TMEM132B: variants seen among roughly 807,000 people sequenced by gnomAD.
TMEM132B encodes transmembrane protein 132B.
In TMEM132B, 18 loss-of-function variants were observed where a neutral mutation model predicts 90.8. The observed-to-expected ratio is 0.20, with a 90% CI of 0.14 to 0.29. The LOEUF is 0.29. Ranked by LOEUF, TMEM132B falls within the 10% of genes least tolerant of loss-of-function variation. The probability of loss-of-function intolerance (pLI) is 1.00; values close to 1 mark genes in which losing one functional copy is unlikely to be tolerated. For missense variants in TMEM132B, 1,096 were observed against 1,326.8 expected (o/e 0.83, Z 2.70); for synonymous variants, 504 against 523.3 (o/e 0.96, Z 0.50).
chr12:125,468,818 G>A (rs968580413), intron 3 of TMEM132B, among the ~76,000 whole-genome samples: 3 of 152,050 alleles, frequency 2.0e-5, no homozygotes, highest in Non-Finnish European at 4.4e-5. Flanking sequence ...TAACCGTCTT[G>A]GTTAAGTTTA....
At chr12:125,280,741 G>A (rs1379055317) in intron 1 of TMEM132B, among the ~76,000 whole-genome samples, 2 of 152,246 alleles carry the variant, frequency 1.3e-5, no homozygotes, top group Non-Finnish European at 2.9e-5. Flanking sequence ...TGCGTCCTCA[G>A]GGCAGATAGT....
At chr12:125,237,072 T>C (rs1041264610) in intron 1 of TMEM132B, among the ~76,000 whole-genome samples, 2 of 152,256 alleles carry the variant, frequency 1.3e-5, no homozygotes, top group African/African-American at 2.4e-5. Flanking sequence ...TATTGATCCA[T>C]TGGCCTTCCT....
intron 2 of TMEM132B, among the ~76,000 whole-genome samples, chr12:125,365,839 C>G (rs1878115479): frequency 6.6e-6 from 1 of 152,022 alleles, no homozygotes. Context: ...ATATCCATCA[C>G]CTCAAACATT....
At chr12:125,261,393 G>A (rs1874564808) in intron 1 of TMEM132B, among the ~76,000 whole-genome samples, 2 of 152,132 alleles carry the variant, frequency 1.3e-5, no homozygotes. Context: ...ATGGGACTGT[G>A]TACCAGGTGG....
At chr12:125,442,816 T>C (rs1035609097) in intron 3 of TMEM132B, among the ~76,000 whole-genome samples, 3 of 152,202 alleles carry the variant, frequency 2.0e-5, no homozygotes, top group Admixed American at 6.5e-5. Context: ...AATGCATATC[T>C]TTGTGTGACA....
intron 5 of TMEM132B, among the ~76,000 whole-genome samples, chr12:125,629,580 G>C (rs1307683404): frequency 6.6e-6 from 1 of 152,060 alleles, no homozygotes; most frequent in African/African-American, 2.4e-5. Context: ...CATATAATCT[G>C]CAACCAAGGA....
intron 1 of TMEM132B, among the ~76,000 whole-genome samples, chr12:125,265,931 A>T (rs964016682): frequency 1.3e-5 from 2 of 152,144 alleles, no homozygotes; most frequent in African/African-American, 4.8e-5. Context: ...AGGATTATAT[A>T]TTAAAAAAAA....
intron 5 of TMEM132B, among the ~76,000 whole-genome samples, chr12:125,603,764 C>G (rs968605329): frequency 6.6e-6 from 1 of 151,902 alleles, no homozygotes; most frequent in Admixed American, 6.6e-5. Context: ...AAAAAAACAA[C>G]CCTATTGAAA....
At chr12:125,545,878 TA>T (rs1167560903) in intron 4 of TMEM132B, among the ~76,000 whole-genome samples, 9 of 152,234 alleles carry the variant, frequency 5.9e-5, no homozygotes, top group Non-Finnish European at 1.2e-4. Context: ...ATTAAGCCAA[TA>T]AATGTAAGTT....
At chr12:125,584,148 A>G (rs903092313) in intron 5 of TMEM132B, 154 bp downstream of exon 5, 7 of 1,085,890 alleles carry the variant, frequency 6.4e-6, no homozygotes, top group Non-Finnish European at 9.6e-6. Context: ...CTGACCGCAG[A>G]GACTCCCTGG....
At chr12:125,413,985 A>G (rs1879934926) in intron 2 of TMEM132B, among the ~76,000 whole-genome samples, 2 of 152,202 alleles carry the variant, frequency 1.3e-5, no homozygotes, top group African/African-American at 4.8e-5. Flanking sequence ...CAATTTCTCT[A>G]CATCCTCACC....
At chr12:125,474,046 C>T (rs1468266294) in intron 3 of TMEM132B, among the ~76,000 whole-genome samples, 1 of 145,090 alleles carries the variant, frequency 6.9e-6, no homozygotes, top group South Asian at 2.3e-4. Context: ...TTCCTTCCTT[C>T]CTTCTTTCTT....
At chr12:125,359,746 G>A (rs797001484) in intron 2 of TMEM132B, among the ~76,000 whole-genome samples, 2 of 152,270 alleles carry the variant, frequency 1.3e-5, no homozygotes, top group Admixed American at 6.5e-5. Flanking sequence ...CGAAACTCCC[G>A]ACCCTGTGAT....
At chr12:125,361,945 T>C (rs1443396000) in intron 2 of TMEM132B, among the ~76,000 whole-genome samples, 1 of 152,252 alleles carries the variant, frequency 6.6e-6, no homozygotes, top group Non-Finnish European at 1.5e-5. Flanking sequence ...ACCTAGATTA[T>C]GGTGGTGGCC....
In TMEM132B at chr12:125,492,151, T is replaced by C. The variant is rs1482884242; in HGVS notation, c.1107-27288T>C. On this transcript the variant is annotated intron_variant, in intron 3 of 8. Coordinates refer to ENST00000682704, the MANE Select transcript of TMEM132B (RefSeq NM_001366854.1). The surrounding 1 kb of genome is among the most constrained non-coding windows in gnomAD (Gnocchi z 5.8). ...CTGGGGAAGGGTGAGAGTGCCCTGC[T>C]GCCCGCCCCCACCGCTCCTCACCTT... is the stretch of plus-strand genomic sequence containing the variant. 6.6e-6 allele frequency among the ~76,000 whole-genome samples: 1 copy of C among 152,174 alleles called. No homozygotes were observed. Among genetic ancestry groups the C allele is most frequent in the Admixed American group, 6.5e-5 (1 of 15,278 alleles).
At chr12:125,623,632 C>T (rs1309700808) in intron 5 of TMEM132B, among the ~76,000 whole-genome samples, 1 of 152,166 alleles carries the variant, frequency 6.6e-6, no homozygotes, top group African/African-American at 2.4e-5. Context: ...GGGCTGAACA[C>T]AGCCACTGAG....
At chr12:125,504,626 A>G (rs998930454) in intron 3 of TMEM132B, among the ~76,000 whole-genome samples, 17 of 152,170 alleles carry the variant, frequency 1.1e-4, no homozygotes, top group African/African-American at 1.7e-4. Context: ...AACTGCTACA[A>G]TGCTAATATT....
intron 4 of TMEM132B, among the ~76,000 whole-genome samples, chr12:125,526,190 C>T (rs1883454450): frequency 6.6e-6 from 1 of 152,200 alleles, no homozygotes; most frequent in African/African-American, 2.4e-5. Context: ...AGTAAAACTG[C>T]CCACTGTAAA....
chr12:125,223,156 G>A (rs917038585), intron 1 of TMEM132B, among the ~76,000 whole-genome samples: 12 of 152,202 alleles, frequency 7.9e-5, no homozygotes, highest in Admixed American at 2.0e-4. Context: ...GGAAATCGAC[G>A]AAACTAACAG....
Sources: gnomAD v4.1 joint callset for allele counts (sites outside exome capture counted in the v4.1 genomes callset) on GRCh38, gnomAD v4.1.1 for gene constraint, Gnocchi (gnomAD v3.1) non-coding constraint, MANE v1.5 for transcripts, NCBI Gene and HGNC (gene_info 2026-07-23, HGNC 2026-07-21) for gene names.